ZNF136: variants seen among roughly 807,000 people sequenced by gnomAD.
ZNF136 encodes zinc finger protein 136.
Under a neutral mutation model 11.4 loss-of-function variants are expected in ZNF136, and 8 were observed. That is an observed-to-expected ratio of 0.70 (90% CI 0.41 to 1.27). The LOEUF is 1.27. Among genes scored for constraint, ZNF136 ranks in the 50% most tolerant of loss-of-function variants. The pLI, the probability that ZNF136 is intolerant of heterozygous loss-of-function variation, is 0.01. For synonymous variants in ZNF136, 190 were observed against 207.1 expected, an observed-to-expected ratio of 0.92 and a Z score of 0.71; for missense variants, 590 against 656.5, an observed-to-expected ratio of 0.90 and a Z score of 1.11.
intron 1 of ZNF136, among the ~76,000 whole-genome samples, chr19:12,164,475 C>G (rs931531346): frequency 7.2e-6 from 1 of 139,794 alleles, no homozygotes; most frequent in Non-Finnish European, 1.5e-5. Flanking sequence ...GACGGAGTCT[C>G]TCTGTCGCCC....
In ZNF136 at chr19:12,187,594, C is replaced by T; in HGVS notation, c.1216C>T (p.Pro406Ser). 1 of 1,612,392 alleles carries T rather than the reference C, an allele frequency of 6.2e-7. No homozygotes were observed. Among genetic ancestry groups the T allele is most frequent in the Non-Finnish European group, 8.5e-7 (1 of 1,179,394 alleles). ...VCGKPFHSLS[P>S]FRIHERTHTG... Reference sequence around the variant, plus strand: ...TGGGAAACCCTTTCATTCTCTGAGTCCATTTCGAATACATGAAAGAACTCA... The same window carrying T: ...TGGGAAACCCTTTCATTCTCTGAGTTCATTTCGAATACATGAAAGAACTCA... Residue 406 changes from proline (P) to serine (S), a missense_variant, in exon 4 of 4, where the codon CCA becomes TCA. Transcript: ENST00000343979.
In ZNF136 at chr19:12,186,792, G is replaced by A. The variant is rs1180349188; in HGVS notation, c.414G>A (p.Lys138=). 1.9e-6 allele frequency: 3 copies of A among 1,614,002 alleles called. No homozygotes were observed. Among genetic ancestry groups the A allele is most frequent in the Admixed American group, 3.3e-5 (2 of 59,994 alleles). Residue 138 remains lysine, a synonymous_variant, in exon 4 of 4, where the codon AAG becomes AAA. Transcript: ENST00000343979. ...EPKEYQEYGE[K]PDTRNQCWKP... ...AGGAATATCAGGAATATGGAGAGAA[G>A]CCAGATACACGTAACCAGTGTTGGA...
intron 3 of ZNF136, 150 bp downstream of exon 3, chr19:12,186,324 C>A: frequency 1.1e-6 from 1 of 909,434 alleles, no homozygotes; most frequent in Non-Finnish European, 1.6e-6. Context: ...TCAGTGTAAA[C>A]AGATGTTCAG....
At chr19:12,167,931 T>C (rs1409782080) in intron 1 of ZNF136, among the ~76,000 whole-genome samples, 2 of 152,090 alleles carry the variant, frequency 1.3e-5, no homozygotes, top group Non-Finnish European at 2.9e-5. Flanking sequence ...TGTTAACCAC[T>C]CAGTTCTTTC....
chr19:12,184,264 CAA>C (rs560661454), intron 1 of ZNF136, among the ~76,000 whole-genome samples: 2 of 107,520 alleles, frequency 1.9e-5, no homozygotes, highest in African/African-American at 3.5e-5. Flanking sequence ...AGACTCCATC[CAA>C]AAAAAAAAAG....
At chr19:12,186,337 T>C (rs1321444902) in intron 3 of ZNF136, among the ~76,000 whole-genome samples, 163 bp downstream of exon 3, 1 of 152,220 alleles carries the variant, frequency 6.6e-6, no homozygotes, top group Non-Finnish European at 1.5e-5. Flanking sequence ...ATGTTCAGTT[T>C]TTATAAAAAT....
chr19:12,174,492 C>T (rs1220167697), intron 1 of ZNF136, among the ~76,000 whole-genome samples: 3 of 152,168 alleles, frequency 2.0e-5, no homozygotes, highest in Non-Finnish European at 4.4e-5. Flanking sequence ...GTCTGTCTCT[C>T]TGGTAATACC....
chr19:12,181,593 C>T lies in ZNF136; in HGVS notation c.4-4192C>T, dbSNP rs1274906232. On this transcript the variant is annotated intron_variant, in intron 1 of 3. Coordinates refer to ENST00000343979, the MANE Select transcript of ZNF136 (RefSeq NM_003437.5). ...ATTCAAGCGATTTTCCTGCCTCAGC[C>T]TCCTGAGTAGGTGGGATTACAGGCA... is the stretch of plus-strand genomic sequence containing the variant. Among the ~76,000 whole-genome samples the T allele has an allele frequency of 2.6e-5, 4 of 152,008 alleles. No homozygotes were observed. In the East Asian group the frequency reaches 7.7e-4, roughly 29 times the overall value.
chr19:12,184,137 G>C (rs577537695), intron 1 of ZNF136, among the ~76,000 whole-genome samples: 1 of 151,882 alleles, frequency 6.6e-6, no homozygotes, highest in African/African-American at 2.4e-5. Context: ...GTGGTGGCAC[G>C]TGCCTGTACT....
chr19:12,178,950 C>T (rs1261570601), intron 1 of ZNF136, among the ~76,000 whole-genome samples: 1 of 151,226 alleles, frequency 6.6e-6, no homozygotes, highest in Admixed American at 6.6e-5. Context: ...GATCATGCCA[C>T]TGCACTCCAG....
intron 1 of ZNF136, among the ~76,000 whole-genome samples, chr19:12,177,979 T>C (rs1914842866): frequency 6.6e-6 from 1 of 152,156 alleles, no homozygotes; most frequent in Non-Finnish European, 1.5e-5. Flanking sequence ...CATTGTGGCA[T>C]GTACCTGTGG....
chr19:12,185,468 CA>C (rs1004307129), intron 1 of ZNF136: 17 of 207,268 alleles, frequency 8.2e-5, no homozygotes. Flanking sequence ...AACTCTTTTG[CA>C]TAGTAGGTGG....
rs1915119053 is a variant in ZNF136 at position 12,187,034 on chromosome 19, C to T, written c.656C>T (p.Thr219Ile). ...TTTCGAACACATGAAAGAAGTCACA[C>T]TGGAGAGAAACCCTATGAATGTCAG... is the stretch of plus-strand genomic sequence containing the variant. ...SRFRTHERSH[T>I]GEKPYECQEC... Residue 219 changes from threonine (T) to isoleucine (I), a missense_variant, in exon 4 of 4, where the codon ACT (threonine) becomes ATT (isoleucine). Physicochemically the swap from Thr to Ile is moderately conservative, Grantham distance 89 (BLOSUM62 -1). Coordinates refer to ENST00000343979, the MANE Select transcript of ZNF136 (RefSeq NM_003437.5). The T allele has an allele frequency of 1.2e-6, 2 of 1,614,114 alleles. No individual in the cohort carries two copies. The highest frequency in any genetic ancestry group is 1.7e-6 in the Non-Finnish European group (2 of 1,179,996).
At chr19:12,176,056 T>C (rs1438934742) in intron 1 of ZNF136, among the ~76,000 whole-genome samples, 1 of 152,220 alleles carries the variant, frequency 6.6e-6, no homozygotes, top group Non-Finnish European at 1.5e-5. Context: ...GTAGCTGTTA[T>C]GTATCCATTT....
intron 1 of ZNF136, among the ~76,000 whole-genome samples, chr19:12,175,004 GTGCCACCACGCCC>G (rs1343838562): frequency 6.6e-6 from 1 of 151,656 alleles, no homozygotes; most frequent in Non-Finnish European, 1.5e-5. Context: ...CTACAGGCGT[GTGCCACCACGCCC>G]AGCTAATTTT....
intron 1 of ZNF136, among the ~76,000 whole-genome samples, chr19:12,175,706 T>C (rs1192920521): frequency 6.6e-6 from 1 of 152,232 alleles, no homozygotes; most frequent in Non-Finnish European, 1.5e-5. Context: ...CTTGCAGTTG[T>C]ACATTCTGTG....
chr19:12,179,012 GAAAA>G (rs577812140), intron 1 of ZNF136, among the ~76,000 whole-genome samples: 5 of 128,168 alleles, frequency 3.9e-5, no homozygotes, highest in Non-Finnish European at 8.5e-5. Context: ...AAGAAAGAAA[GAAAA>G]AAAAAAAAGA....
intron 1 of ZNF136, among the ~76,000 whole-genome samples, chr19:12,176,964 CTG>C (rs1914812004): frequency 6.6e-6 from 1 of 152,160 alleles, no homozygotes; most frequent in Non-Finnish European, 1.5e-5. Flanking sequence ...GAGACAGAGG[CTG>C]TGTTTGTATG....
intron 1 of ZNF136, among the ~76,000 whole-genome samples, chr19:12,167,714 C>A (rs186338698): frequency 3.9e-5 from 6 of 152,252 alleles, no homozygotes; most frequent in African/African-American, 9.6e-5. Context: ...AATACAGGTG[C>A]CTGCCACCAC....
Sources: gnomAD v4.1 joint callset for allele counts (sites outside exome capture counted in the v4.1 genomes callset) on GRCh38, gnomAD v4.1.1 for gene constraint, MANE v1.5 for transcripts, NCBI Gene and HGNC (gene_info 2026-07-23, HGNC 2026-07-21) for gene names.